The following NHSL1 variants were observed in gnomAD, a reference collection of about 807,000 sequenced individuals.
NHSL1 encodes the protein NHS like 1, also known as NHS-like protein 1.
NHSL1 carries 48 observed loss-of-function variants against 95.0 expected under a neutral mutation model. That is an observed-to-expected ratio of 0.51 (90% confidence interval 0.40 to 0.64). The LOEUF is 0.64. NHSL1 is among the 30% of genes least tolerant of loss of function. NHSL1 has a pLI of 0.00. For missense variants in NHSL1, 1,971 were observed against 2,077.7 expected (o/e 0.95, Z 1.00); for synonymous variants, 783 against 833.9 (o/e 0.94, Z 1.05).
chr6:138,500,328 C>T (rs1780606434), upstream of NHSL1, among the ~76,000 whole-genome samples: 1 of 151,822 alleles, frequency 6.6e-6, no homozygotes, highest in South Asian at 2.1e-4. Context: ...CCACAGAGAA[C>T]TAGGGAAGCA....
At chr6:138,606,516 C>T (rs981223143) in intron 1 of NHSL1, among the ~76,000 whole-genome samples, 2 of 152,020 alleles carry the variant, frequency 1.3e-5, no homozygotes, top group Non-Finnish European at 1.5e-5. Flanking sequence ...TTTACAAAGC[C>T]GTCTACAACA....
Position 138,683,166 on chromosome 6 carries a change from A to T in NHSL1, c.96+9310T>A, listed in dbSNP as rs1477780825. On this transcript the variant is annotated intron_variant, in intron 1 of 3. Coordinates refer to the NHSL1 transcript ENST00000491526. ...AGGCCTGGCTTCCCCGGCCCCAGTG[A>T]AGCAGACAGAAAGCAACAGCCCTCC... is the stretch of plus-strand genomic sequence containing the variant. Among the ~76,000 whole-genome samples the T allele has an allele frequency of 3.3e-5, 5 of 152,144 alleles. No homozygotes were observed. In the East Asian group the frequency reaches 9.6e-4, roughly 29 times the overall value.
At chr6:138,607,524 G>A (rs528763447) in intron 1 of NHSL1, among the ~76,000 whole-genome samples, 3 of 152,368 alleles carry the variant, frequency 2.0e-5, no homozygotes, top group African/African-American at 7.2e-5. Context: ...ATGAAGTTGA[G>A]TTGGAAGTGA....
chr6:138,689,541 T>C (rs567105986), intron 1 of NHSL1, among the ~76,000 whole-genome samples: 1 of 152,344 alleles, frequency 6.6e-6, no homozygotes, highest in South Asian at 2.1e-4. Context: ...AGAGTGTTTA[T>C]ACATTTTTTT....
At chr6:138,665,899 C>G (rs1480228384) in intron 1 of NHSL1, among the ~76,000 whole-genome samples, 1 of 152,240 alleles carries the variant, frequency 6.6e-6, no homozygotes, top group Non-Finnish European at 1.5e-5. Flanking sequence ...CCCAGGCTCT[C>G]TCTGTAGTTA....
intron 1 of NHSL1, among the ~76,000 whole-genome samples, chr6:138,555,173 A>G (rs1251213064): frequency 1.3e-5 from 2 of 152,154 alleles, no homozygotes; most frequent in Admixed American, 6.5e-5. Context: ...CATGCCGAAC[A>G]TGATCTGAGC....
intron 2 of NHSL1, among the ~76,000 whole-genome samples, chr6:138,481,896 A>G (rs1033458940): frequency 6.6e-6 from 1 of 152,218 alleles, no homozygotes; most frequent in African/African-American, 2.4e-5. Context: ...CTTAGCATTC[A>G]AAGTAACATA....
At position 138,566,593 on chromosome 6, in the gene NHSL1, A is replaced by C. The variant is rs79622157; in HGVS notation, c.202+5117T>G. On this transcript the variant is annotated intron_variant, in intron 1 of 6. Coordinates refer to the NHSL1 transcript ENST00000427025. ...TAAGATACTTTTCATAATTTAAAAA[A>C]AAACCATATTTTTCATAATTTAAAT... Among the ~76,000 whole-genome samples the C allele has an allele frequency of 8.8e-3, 1,341 of 151,910 alleles. 21 individuals carry two copies. Among genetic ancestry groups the C allele is most frequent in the African/African-American group, 0.031 (1,281 of 41,340 alleles).
intron 1 of NHSL1, among the ~76,000 whole-genome samples, chr6:138,679,865 A>G (rs1393107209): frequency 2.0e-5 from 3 of 152,184 alleles, no homozygotes; most frequent in African/African-American, 7.2e-5. Flanking sequence ...ATGAACAGAG[A>G]AAGATGCACC....
chr6:138,680,301 G>A (rs1381456075), intron 1 of NHSL1, among the ~76,000 whole-genome samples: 1 of 152,156 alleles, frequency 6.6e-6, no homozygotes, highest in East Asian at 1.9e-4. Flanking sequence ...ATGTCTGTCA[G>A]TGTCACTCTG....
At chr6:138,615,531 C>A (rs934571455) in intron 1 of NHSL1, among the ~76,000 whole-genome samples, 1 of 152,188 alleles carries the variant, frequency 6.6e-6, no homozygotes, top group African/African-American at 2.4e-5. Flanking sequence ...AGTGCAGTGG[C>A]ACAACCTCGG....
chr6:138,643,372 C>T (rs1784980737), intron 1 of NHSL1, among the ~76,000 whole-genome samples: 1 of 152,186 alleles, frequency 6.6e-6, no homozygotes, highest in African/African-American at 2.4e-5. Flanking sequence ...AACTGATGAA[C>T]CAACATTGAC....
intron 1 of NHSL1, among the ~76,000 whole-genome samples, chr6:138,679,680 G>GCAGA (rs1785488723): frequency 6.6e-6 from 1 of 152,098 alleles, no homozygotes; most frequent in African/African-American, 2.4e-5. Flanking sequence ...GTGTGAACAC[G>GCAGA]CAGACCCCTG....
chr6:138,442,367 T>C (rs1175209550), intron 4 of NHSL1, among the ~76,000 whole-genome samples: 1 of 152,192 alleles, frequency 6.6e-6, no homozygotes, highest in African/African-American at 2.4e-5. Flanking sequence ...CAAATGCAAG[T>C]TTAATAACAC....
intron 2 of NHSL1, among the ~76,000 whole-genome samples, chr6:138,488,981 GA>G (rs1779876521): frequency 6.6e-6 from 1 of 152,204 alleles, no homozygotes; most frequent in African/African-American, 2.4e-5. Context: ...GGGTCTTTCA[GA>G]GGTTGATGGT....
At chr6:138,475,143 C>T (rs1188536649) in intron 2 of NHSL1, among the ~76,000 whole-genome samples, 8 of 138,704 alleles carry the variant, frequency 5.8e-5, no homozygotes, top group South Asian at 2.3e-4. Context: ...GAGTGAAACT[C>T]GGTCTCAAAA....
rs1207009472 is a variant in NHSL1, at chr6:138,431,667, A to T, written c.2678T>A (p.Ile893Lys). The T allele has an allele frequency of 6.4e-7, 1 of 1,551,510 alleles. No homozygotes were observed. The highest frequency in any genetic ancestry group is 1.4e-5 in the African/African-American group (1 of 73,038). The change falls in exon 6 of 8, where the codon ATA (isoleucine) becomes AAA (lysine). Residue 893 changes from isoleucine to lysine, a missense_variant. By Grantham distance (102) the Ile-to-Lys change is moderately radical. Around this residue, in one of 3 missense-constraint regions of NHSL1, gnomAD observed 1,602 missense variants for 1,654.5 expected, o/e 0.97. Transcript: ENST00000343505. This position sits in a 1 kb window ranked among gnomAD's most constrained non-coding sequence, Gnocchi z 4.0. Reference sequence around the variant, plus strand: ...CGATGAGGAAATGGATACTGAAGATATCAGAGAGGACTTCCTTTCTGGTAC... The same window carrying T: ...CGATGAGGAAATGGATACTGAAGATTTCAGAGAGGACTTCCTTTCTGGTAC... ...PKVPERKSSL[I>K]SSVSISSSST...
intron 5 of NHSL1, among the ~76,000 whole-genome samples, chr6:138,439,346 TAGA>T (rs1583169555): frequency 6.6e-6 from 1 of 152,194 alleles, no homozygotes; most frequent in East Asian, 1.9e-4. Flanking sequence ...GTCTTATATC[TAGA>T]AGAAGACTAA....
intron 2 of NHSL1, among the ~76,000 whole-genome samples, chr6:138,494,074 A>G (rs1780216683): frequency 6.6e-6 from 1 of 152,216 alleles, no homozygotes; most frequent in African/African-American, 2.4e-5. Context: ...GGAACAAAAA[A>G]TAGAACCATG....
Sources: allele counts gnomAD v4.1 joint callset (sites outside exome capture counted in the v4.1 genomes callset), GRCh38; gene constraint gnomAD v4.1.1; regional missense constraint gnomAD v4.1.1; non-coding constraint Gnocchi (gnomAD v3.1); transcripts MANE v1.5; gene names NCBI Gene and HGNC (gene_info 2026-07-23, HGNC 2026-07-21).